ERLEC1: variants seen among roughly 807,000 people sequenced by gnomAD.
ERLEC1 encodes the protein ER lectin.
Under a neutral mutation model 68.0 loss-of-function variants are expected in ERLEC1, and 47 were observed. That is an observed-to-expected ratio of 0.69 (90% CI 0.55 to 0.88). The LOEUF is 0.88. Ranked by LOEUF, ERLEC1 falls within the 40% of genes least tolerant of loss-of-function variation. The probability of loss-of-function intolerance (pLI) is 0.00; values close to 1 mark genes in which losing one functional copy is unlikely to be tolerated. For synonymous variants in ERLEC1, 225 were observed against 203.2 expected, an observed-to-expected ratio of 1.11 and a Z score of -0.91; for missense variants, 567 against 583.8, an observed-to-expected ratio of 0.97 and a Z score of 0.30.
chr2:53,800,071 TAC>T (rs1363761244), intron 6 of ERLEC1, among the ~76,000 whole-genome samples: 2 of 152,140 alleles, frequency 1.3e-5, no homozygotes, highest in Non-Finnish European at 2.9e-5. Flanking sequence ...AACCTTTTAA[TAC>T]ACAGTCATGA....
chr2:53,792,174 C>G (rs1208970052), intron 1 of ERLEC1, among the ~76,000 whole-genome samples: 1 of 151,400 alleles, frequency 6.6e-6, no homozygotes, highest in African/African-American at 2.4e-5. Context: ...GTTTCGGCCT[C>G]CCAAAGTGCT....
intron 8 of ERLEC1, among the ~76,000 whole-genome samples, chr2:53,804,428 C>T (rs536614510): frequency 6.6e-6 from 1 of 152,140 alleles, no homozygotes; most frequent in South Asian, 2.1e-4. Flanking sequence ...CACGTGTCAC[C>T]ATGCCCAGCT....
intron 8 of ERLEC1, among the ~76,000 whole-genome samples, chr2:53,806,676 T>G (rs1676311453): frequency 6.6e-6 from 1 of 152,156 alleles, no homozygotes; most frequent in African/African-American, 2.4e-5. Flanking sequence ...GTCCAGTGAC[T>G]CATACAAGCT....
intron 10 of ERLEC1, among the ~76,000 whole-genome samples, chr2:53,810,456 G>A (rs892846284): frequency 1.3e-5 from 2 of 152,094 alleles, no homozygotes; most frequent in Non-Finnish European, 2.9e-5. Context: ...AAATTCTGAG[G>A]TTCAAGTTCC....
chr2:53,811,853 C>T (rs1676606943), intron 10 of ERLEC1, among the ~76,000 whole-genome samples: 1 of 152,156 alleles, frequency 6.6e-6, no homozygotes, highest in South Asian at 2.1e-4. Flanking sequence ...CTATCTCTTA[C>T]ATTAGGCACT....
At chr2:53,813,914 T>TA (rs1676725241) in intron 11 of ERLEC1, among the ~76,000 whole-genome samples, 1 of 152,206 alleles carries the variant, frequency 6.6e-6, no homozygotes, top group African/African-American at 2.4e-5. Flanking sequence ...GCATTAGGTA[T>TA]ATCTCCTAAA....
In ERLEC1 at chr2:53,817,910, G is replaced by T; in HGVS notation, c.1393G>T (p.Val465Leu). 1 of 1,607,148 alleles carries T rather than the reference G, an allele frequency of 6.2e-7. No individual in the cohort carries two copies. The highest frequency in any genetic ancestry group is 8.5e-7 in the Non-Finnish European group (1 of 1,174,084). The change falls in exon 14 of 14, where the codon GTG (valine) becomes TTG (leucine). Residue 465 changes from valine (V) to leucine (L), a missense_variant. Val to Leu is a conservative substitution (Grantham distance 32). Transcript: ENST00000185150. ...CQYILGVESP[V>L]ICKILDTADE... Reference sequence around the variant, plus strand: ...TGTTCTTCTTTAGGTTGAATCTCCAGTGATCTGTAAAATCTTAGATACAGC... The same window carrying T: ...TGTTCTTCTTTAGGTTGAATCTCCATTGATCTGTAAAATCTTAGATACAGC...
chr2:53,805,547 G>A (rs887333718), intron 8 of ERLEC1, among the ~76,000 whole-genome samples: 4 of 152,116 alleles, frequency 2.6e-5, no homozygotes, highest in African/African-American at 9.7e-5. Context: ...CCATTCATCT[G>A]TTGATGGACA....
chr2:53,804,711 T>A (rs576127272), intron 8 of ERLEC1, among the ~76,000 whole-genome samples: 3 of 152,308 alleles, frequency 2.0e-5, no homozygotes. Context: ...TTATTGACTA[T>A]AGTCACCCTG....
intron 1 of ERLEC1, among the ~76,000 whole-genome samples, chr2:53,792,865 C>T (rs991653774): frequency 3.3e-5 from 5 of 151,942 alleles, no homozygotes; most frequent in South Asian, 4.1e-4. Flanking sequence ...GAAAAATTAC[C>T]GGGGCATGGT....
intron 1 of ERLEC1, 130 bp downstream of exon 1, chr2:53,787,502 C>A: frequency 9.0e-7 from 1 of 1,117,266 alleles, no homozygotes; most frequent in Non-Finnish European, 1.2e-6. Context: ...CAAGCCAAAG[C>A]TGCTTTTATG....
chr2:53,814,743 T>C, intron 12 of ERLEC1, 117 bp from the exon 13 acceptor site: 1 of 990,134 alleles, frequency 1.0e-6, no homozygotes, highest in South Asian at 1.5e-5. Flanking sequence ...AAATTATTGA[T>C]AAAATTATAT....
At chr2:53,803,888 G>A (rs1375429157) in intron 8 of ERLEC1, among the ~76,000 whole-genome samples, 1 of 152,218 alleles carries the variant, frequency 6.6e-6, no homozygotes, top group African/African-American at 2.4e-5. Context: ...CAGCACTTTG[G>A]GAGGCCGAGG....
In ERLEC1 at chr2:53,801,380, T is replaced by A. The variant is rs779244954; in HGVS notation, c.526-17T>A. Reference sequence around the variant, plus strand: ...CATGTCTAATGAAAAGTCTGTCTTATACTCTTTTTTTTTAAGATTCCCACT... The same window carrying A: ...CATGTCTAATGAAAAGTCTGTCTTAAACTCTTTTTTTTTAAGATTCCCACT... On this transcript the variant is annotated splice_polypyrimidine_tract_variant and intron_variant, in intron 6 of 13. Transcript: ENST00000185150. The A allele has an allele frequency of 6.2e-7, 1 of 1,600,984 alleles. No homozygotes were observed. Among genetic ancestry groups the A allele is most frequent in the South Asian group, 1.1e-5 (1 of 90,694 alleles).
Position 53,787,113 on chromosome 2 carries a change from T to G in ERLEC1, c.-98T>G. ...TTGGGCCGGTGATACCCGGGCGCTT[T>G]ATAGTCCCGCCGCCTCCTCCTCCAC... On this transcript the variant is annotated 5_prime_UTR_variant, in exon 1 of 14. Coordinates refer to ENST00000185150, the MANE Select transcript of ERLEC1 (RefSeq NM_015701.5). 2 of 1,363,316 alleles carry G rather than the reference T, an allele frequency of 1.5e-6. No homozygotes were observed. The highest frequency in any genetic ancestry group is 9.6e-7 in the Non-Finnish European group (1 of 1,044,392). 84.5% of individuals were successfully genotyped at this position (1,363,316 alleles called of 1,614,324 possible).
In ERLEC1 at chr2:53,787,165, G is replaced by C. The variant is rs370516260; in HGVS notation, c.-46G>C. 6 of 1,556,534 alleles carry C rather than the reference G, an allele frequency of 3.9e-6. No homozygotes were observed. The highest frequency in any genetic ancestry group is 5.2e-6 in the Non-Finnish European group (6 of 1,155,084). ...TCCTCCTCCTCCTCCTCTCCTCCTG[G>C]AGCAGAGGAGGTTGTGGCGGTGGCT... On this transcript the variant is annotated 5_prime_UTR_variant, in exon 1 of 14. Coordinates refer to ENST00000185150, the MANE Select transcript of ERLEC1 (RefSeq NM_015701.5).
At chr2:53,815,954 A>G (rs894849936) in intron 13 of ERLEC1, among the ~76,000 whole-genome samples, 26 of 151,942 alleles carry the variant, frequency 1.7e-4, no homozygotes, top group Non-Finnish European at 2.2e-4. Flanking sequence ...TGTATTGCAC[A>G]TATTTTTTTC....
intron 9 of ERLEC1, 131 bp downstream of exon 9, chr2:53,808,591 C>A: frequency 1.1e-6 from 1 of 879,790 alleles, no homozygotes; most frequent in Non-Finnish European, 1.7e-6. Context: ...CCCCAAAGAA[C>A]ATTTTCTTTT....
chr2:53,787,570 A>G, intron 1 of ERLEC1, 198 bp downstream of exon 1: 1 of 523,502 alleles, frequency 1.9e-6, no homozygotes, highest in East Asian at 3.2e-5. Context: ...CTTGCTGAGC[A>G]TTAGGGATCC....
Sources: allele counts gnomAD v4.1 joint callset (sites outside exome capture counted in the v4.1 genomes callset), GRCh38; gene constraint gnomAD v4.1.1; transcripts MANE v1.5; gene names NCBI Gene and HGNC (gene_info 2026-07-23, HGNC 2026-07-21).